The following ASIC2 variants were observed in gnomAD, a reference collection of about 807,000 sequenced individuals.
ASIC2 encodes the protein acid-sensing ion channel 2.
A neutral mutation model predicts 57.3 loss-of-function variants in ASIC2; 25 were observed. That is an observed-to-expected ratio of 0.44 (90% CI 0.32 to 0.61). The LOEUF is 0.61. Among genes scored for constraint, ASIC2 ranks in the 20% least tolerant of loss-of-function variants. The pLI is 0.06. For synonymous variants in ASIC2, 319 were observed against 307.5 expected (o/e 1.04, Z -0.39); for missense variants, 641 against 738.1 (o/e 0.87, Z 1.52).
At chr17:34,038,004 G>A (rs117136229) in intron 1 of ASIC2, 16,645 of 1,613,466 alleles carry the variant, frequency 0.01, 155 homozygotes, top group Admixed American at 0.034. Flanking sequence ...AAACACTCTG[G>A]TGGTAAATAC....
At chr17:33,986,213 T>C (rs772985254) in intron 1 of ASIC2, among the ~76,000 whole-genome samples, 17 of 151,950 alleles carry the variant, frequency 1.1e-4, no homozygotes, top group Non-Finnish European at 1.6e-4. Flanking sequence ...TCTGGTTTTT[T>C]TTCCTTGCAG....
At chr17:33,298,351 G>C (rs979166917) in intron 1 of ASIC2, among the ~76,000 whole-genome samples, 7 of 152,066 alleles carry the variant, frequency 4.6e-5, no homozygotes, top group African/African-American at 1.7e-4. Flanking sequence ...TGCGGTGTTT[G>C]GTTTTCTGTG....
intron 1 of ASIC2, chr17:34,051,719 T>G (rs1908561486): frequency 6.6e-6 from 1 of 152,130 alleles, no homozygotes; most frequent in South Asian, 2.1e-4. Context: ...AGGTTAAGGC[T>G]TCTGTCTTCC....
intron 1 of ASIC2, among the ~76,000 whole-genome samples, chr17:33,600,204 G>C (rs192264841): frequency 6.6e-5 from 10 of 152,304 alleles, no homozygotes; most frequent in Admixed American, 1.3e-4. Context: ...CCCCAAAGTT[G>C]ATGTGTTGGA....
chr17:33,886,658 A>G (rs1439997369), intron 1 of ASIC2, among the ~76,000 whole-genome samples: 1 of 151,864 alleles, frequency 6.6e-6, no homozygotes, highest in African/African-American at 2.4e-5. Context: ...GGTCTAAGTC[A>G]CTCCAAACTC....
chr17:33,649,603 C>A lies in ASIC2; in HGVS notation c.555+506375G>T, dbSNP rs565102576. ...TTTGAAAAAGAGGATCAAGTGGTAGCAATCAGTCTTCTGAATTTCAGGACA... is the reference window on the plus strand; with the variant it reads ...TTTGAAAAAGAGGATCAAGTGGTAGAAATCAGTCTTCTGAATTTCAGGACA... On this transcript the variant is annotated intron_variant, in intron 1 of 9. Transcript: ENST00000359872. Among the ~76,000 whole-genome samples the A allele has an allele frequency of 7.9e-5, 12 of 152,268 alleles. No individual in the cohort carries two copies. The South Asian group carries it at 2.1e-3, about 26-fold the overall frequency.
chr17:34,149,286 T>C (rs185569647), intron 1 of ASIC2, among the ~76,000 whole-genome samples: 1 of 152,206 alleles, frequency 6.6e-6, no homozygotes, highest in East Asian at 1.9e-4. Context: ...TTTGTATTTC[T>C]TGTAGAGACT....
intron 1 of ASIC2, among the ~76,000 whole-genome samples, chr17:33,844,206 T>A (rs988430998): frequency 3.3e-5 from 5 of 152,234 alleles, no homozygotes; most frequent in African/African-American, 1.2e-4. Context: ...CATATTTAAG[T>A]TGCATGTTAT....
chr17:33,399,228 C>T (rs1403414365), intron 1 of ASIC2, among the ~76,000 whole-genome samples: 1 of 152,090 alleles, frequency 6.6e-6, no homozygotes, highest in African/African-American at 2.4e-5. Flanking sequence ...TGCCCCTGGG[C>T]TCTACTTATA....
chr17:33,170,593 TG>T (rs1385902523), intron 1 of ASIC2, among the ~76,000 whole-genome samples: 2 of 152,170 alleles, frequency 1.3e-5, no homozygotes, highest in African/African-American at 4.8e-5. Flanking sequence ...TTTGCCCAGA[TG>T]TTTGTGCAGC....
chr17:33,791,687 G>A (rs908636074), intron 1 of ASIC2, among the ~76,000 whole-genome samples: 2 of 151,922 alleles, frequency 1.3e-5, no homozygotes. Context: ...AAAGCATGGT[G>A]GCTTTCATGC....
intron 1 of ASIC2, among the ~76,000 whole-genome samples, chr17:33,123,260 C>T (rs114445588): frequency 3.2e-3 from 484 of 152,272 alleles, no homozygotes; most frequent in African/African-American, 0.011. Context: ...TCAATGGGTA[C>T]ATGAACTTTA....
chr17:33,249,433 C>A (rs1228626269), intron 1 of ASIC2, among the ~76,000 whole-genome samples: 1 of 152,038 alleles, frequency 6.6e-6, no homozygotes, highest in Non-Finnish European at 1.5e-5. Flanking sequence ...AGGAGATGAG[C>A]AAGGGAGCGA....
At chr17:33,395,821 G>A (rs1469972161) in intron 1 of ASIC2, among the ~76,000 whole-genome samples, 3 of 152,060 alleles carry the variant, frequency 2.0e-5, no homozygotes, top group Non-Finnish European at 4.4e-5. Flanking sequence ...GGAAGAAAGA[G>A]CAATGACTTT....
At chr17:33,091,369 G>A (rs961958349) in intron 2 of ASIC2, among the ~76,000 whole-genome samples, 2 of 152,172 alleles carry the variant, frequency 1.3e-5, no homozygotes, top group African/African-American at 2.4e-5. Context: ...CCCCTGCTGG[G>A]AGGAACTGAA....
intron 1 of ASIC2, among the ~76,000 whole-genome samples, chr17:33,912,929 AG>A: frequency 6.6e-6 from 1 of 152,190 alleles, no homozygotes; most frequent in Admixed American, 6.5e-5. Context: ...CAGTGAGCCA[AG>A]ATTTGCCATT....
At chr17:33,802,819 C>G (rs1912168604) in intron 1 of ASIC2, among the ~76,000 whole-genome samples, 2 of 152,260 alleles carry the variant, frequency 1.3e-5, no homozygotes, top group African/African-American at 4.8e-5. Context: ...CTCCTGCCAA[C>G]CTTCCCTCTT....
chr17:33,526,475 C>T (rs917409999), intron 1 of ASIC2, among the ~76,000 whole-genome samples: 8 of 152,260 alleles, frequency 5.3e-5, no homozygotes, highest in South Asian at 2.1e-4. Flanking sequence ...CCAGCATGTC[C>T]CCCGGAGCTG....
chr17:33,271,981 C>T (rs554755005), intron 1 of ASIC2, among the ~76,000 whole-genome samples: 2 of 152,286 alleles, frequency 1.3e-5, no homozygotes, highest in Admixed American at 1.3e-4. Context: ...ACATACAGGC[C>T]TTCATTCTGT....
Sources: allele counts gnomAD v4.1 joint callset (sites outside exome capture counted in the v4.1 genomes callset), GRCh38; gene constraint gnomAD v4.1.1; transcripts MANE v1.5; gene names NCBI Gene and HGNC (gene_info 2026-07-23, HGNC 2026-07-21).